Variants in CDH2 observed in about 807,000 individuals in gnomAD.
CDH2 encodes the protein cadherin 2.
Under a neutral mutation model 92.0 loss-of-function variants are expected in CDH2, and 17 were observed. The observed-to-expected ratio is 0.18, with a 90% CI of 0.13 to 0.28. The LOEUF (loss-of-function observed/expected upper bound fraction) is 0.28, where lower values mean the gene tolerates loss of function less well. Among genes scored for constraint, CDH2 ranks in the 10% least tolerant of loss-of-function variants. CDH2 has a pLI of 1.00. For synonymous variants in CDH2, 419 were observed against 415.9 expected (o/e 1.01, Z -0.09); for missense variants, 862 against 1,133.1 (o/e 0.76, Z 3.44).
At chr18:27,952,470 T>C in intron 15 of CDH2, 111 bp from the exon 16 acceptor site, 1 of 814,776 alleles carries the variant, frequency 1.2e-6, no homozygotes, top group Non-Finnish European at 2.0e-6. Context: ...TGTTTGTAAA[T>C]TTCCATTTAC....
At chr18:28,124,214 G>C (rs907229046) in intron 2 of CDH2, among the ~76,000 whole-genome samples, 2 of 151,764 alleles carry the variant, frequency 1.3e-5, no homozygotes, top group African/African-American at 4.8e-5. Context: ...GTAAATCCAA[G>C]ATTAATTTTA....
At chr18:28,162,455 T>C (rs192693450) in intron 1 of CDH2, among the ~76,000 whole-genome samples, 6 of 152,234 alleles carry the variant, frequency 3.9e-5, no homozygotes, top group Admixed American at 2.0e-4. Flanking sequence ...CAACAGCTCA[T>C]GAGACACTTG....
In CDH2 at chr18:28,013,700, T is replaced by A. The variant is rs751016097; in HGVS notation, c.382A>T (p.Thr128Ser). Residue 128 changes from threonine (T) to serine (S), a missense_variant, in exon 3 of 16, where the codon ACT (threonine) becomes TCT (serine). Transcript: ENST00000269141. The part of the protein sequence containing the change: ...AVKLSLKPTL[T>S]EESVKESAEV... ...TACTATACCTTCACTGACTCCTCAG[T>A]TAAGGTTGGCTTCAGGCTCAATTTT... The A allele has an allele frequency of 1.2e-6, 2 of 1,613,560 alleles. No homozygotes were observed. Among genetic ancestry groups the A allele is most frequent in the South Asian group, 1.1e-5 (1 of 91,076 alleles).
chr18:27,977,804 GC>G (rs2011899675), intron 14 of CDH2, among the ~76,000 whole-genome samples: 1 of 152,150 alleles, frequency 6.6e-6, no homozygotes, highest in South Asian at 2.1e-4. Flanking sequence ...AAGACATGAA[GC>G]AGATCAGACC....
intron 2 of CDH2, among the ~76,000 whole-genome samples, chr18:28,056,327 T>C (rs2144136631): frequency 6.6e-6 from 1 of 152,284 alleles, no homozygotes; most frequent in African/African-American, 2.4e-5. Flanking sequence ...TAGAACTTGG[T>C]CCTTTCTGTC....
intron 2 of CDH2, among the ~76,000 whole-genome samples, chr18:28,062,909 G>A (rs1214149646): frequency 6.6e-6 from 1 of 152,104 alleles, no homozygotes; most frequent in African/African-American, 2.4e-5. Flanking sequence ...GGAGGAGGAG[G>A]TTGCAGAGAG....
intron 2 of CDH2, among the ~76,000 whole-genome samples, chr18:28,042,134 C>T (rs1785848): frequency 0.32 from 49,214 of 151,938 alleles, 8,970 homozygotes; most frequent in Middle Eastern, 0.43. Flanking sequence ...TTTACTAGTA[C>T]ATTCTAGTCT....
At chr18:28,018,125 G>A (rs2013303734) in intron 2 of CDH2, among the ~76,000 whole-genome samples, 2 of 138,982 alleles carry the variant, frequency 1.4e-5, no homozygotes, top group South Asian at 2.2e-4. Flanking sequence ...ACCAAGCTGA[G>A]AATCAAATCA....
At chr18:28,059,814 A>G (rs2014364880) in intron 2 of CDH2, among the ~76,000 whole-genome samples, 1 of 152,220 alleles carries the variant, frequency 6.6e-6, no homozygotes, top group South Asian at 2.1e-4. Context: ...ATTTGTTTGA[A>G]TCAGATTCCA....
At chr18:28,140,779 T>A (rs1752512997) in intron 2 of CDH2, among the ~76,000 whole-genome samples, 1 of 150,998 alleles carries the variant, frequency 6.6e-6, no homozygotes, top group African/African-American at 2.4e-5. Context: ...ATCATATATC[T>A]GACAACGATC....
Position 28,177,059 on chromosome 18 carries a change from G to A in CDH2, c.-37C>T. On this transcript the variant is annotated 5_prime_UTR_variant, in exon 1 of 16. Transcript: ENST00000269141. ...GGGGCCGAGCGAAGAGCCGGAGGAGGCGGCGGCGGCGGCGGCGGCGGCGGA... is the reference window on the plus strand; with the variant it reads ...GGGGCCGAGCGAAGAGCCGGAGGAGACGGCGGCGGCGGCGGCGGCGGCGGA... 2 of 1,147,994 alleles carry A rather than the reference G, an allele frequency of 1.7e-6. No individual in the cohort carries two copies. The highest frequency in any genetic ancestry group is 2.3e-6 in the Non-Finnish European group (2 of 856,344). 71.1% of individuals were successfully genotyped at this position (1,147,994 alleles called of 1,614,324 possible).
Position 28,177,109 on chromosome 18 carries a change from A to T in CDH2, c.-87T>A, listed in dbSNP as rs1189715450. On this transcript the variant is annotated 5_prime_UTR_variant, in exon 1 of 16. Coordinates refer to ENST00000269141, the MANE Select transcript of CDH2 (RefSeq NM_001792.5). The stretch of plus-strand genomic sequence containing the variant: ...AGGAGGAGGAGGCAGCGGCAGCACC[A>T]ACAGCGGCGCGGAGAAACGGCTCCA... 1 of 1,001,056 alleles carries T rather than the reference A, an allele frequency of 1.0e-6. No individual in the cohort carries two copies. The highest frequency in any genetic ancestry group is 3.2e-5 in the East Asian group (1 of 31,620). The allele number at this position is 1,001,056 out of a possible 1,614,324, so 62.0% of individuals were successfully genotyped here.
chr18:28,154,760 T>C (rs1228426748), intron 1 of CDH2, among the ~76,000 whole-genome samples: 1 of 152,192 alleles, frequency 6.6e-6, no homozygotes, highest in Non-Finnish European at 1.5e-5. Context: ...AAATATTCCA[T>C]GTGGAATCAC....
chr18:28,069,738 C>T (rs1286442313), intron 2 of CDH2, among the ~76,000 whole-genome samples: 2 of 152,096 alleles, frequency 1.3e-5, no homozygotes, highest in South Asian at 4.1e-4. Context: ...AAGGCATCTA[C>T]CATATTTTAT....
At chr18:28,130,457 T>A (rs2015748447) in intron 2 of CDH2, among the ~76,000 whole-genome samples, 1 of 152,212 alleles carries the variant, frequency 6.6e-6, no homozygotes, top group Admixed American at 6.5e-5. Context: ...AAGTGCAGTA[T>A]CGTGATGTAA....
intron 1 of CDH2, among the ~76,000 whole-genome samples, chr18:28,161,464 C>T (rs2016304896): frequency 6.6e-6 from 1 of 151,398 alleles, no homozygotes; most frequent in Admixed American, 6.6e-5. Context: ...CCTGTAGTCC[C>T]AGCTACTTGG....
At chr18:28,086,157 C>T (rs989599556) in intron 2 of CDH2, among the ~76,000 whole-genome samples, 1 of 152,096 alleles carries the variant, frequency 6.6e-6, no homozygotes, top group Non-Finnish European at 1.5e-5. Context: ...ACCTAGTTTG[C>T]AATTGAGAAG....
intron 4 of CDH2, among the ~76,000 whole-genome samples, chr18:28,010,806 C>T (rs1453430607): frequency 1.3e-5 from 2 of 151,798 alleles, no homozygotes; most frequent in African/African-American, 2.4e-5. Context: ...AGTAGCACCA[C>T]GCCCAGCTAT....
rs542517325 is a variant in CDH2 at position 28,016,065 on chromosome 18, G to T, written c.173-2156C>A. Among the ~76,000 whole-genome samples the T allele has an allele frequency of 3.3e-5, 5 of 152,166 alleles. No individual in the cohort carries two copies. In the East Asian group the frequency reaches 9.6e-4, roughly 29 times the overall value. On this transcript the variant is annotated intron_variant, in intron 2 of 15. Transcript: ENST00000269141. ...AGGTCATCACTTTGGGGGAAGAGTC[G>T]ACCATGATGCCTTTCACAAGATTTC...
Sources: allele counts gnomAD v4.1 joint callset (sites outside exome capture counted in the v4.1 genomes callset), GRCh38; gene constraint gnomAD v4.1.1; transcripts MANE v1.5; gene names NCBI Gene and HGNC (gene_info 2026-07-23, HGNC 2026-07-21).